MPPED1: variants seen among roughly 807,000 people sequenced by gnomAD.
The protein encoded by MPPED1 is metallophosphoesterase domain containing 1, also known as metallophosphoesterase domain-containing protein 1.
In MPPED1, 16 loss-of-function variants were observed where a neutral mutation model predicts 36.2. The ratio of observed to expected loss-of-function variants is 0.44; its 90% confidence interval spans 0.30 to 0.67. The LOEUF (loss-of-function observed/expected upper bound fraction) is 0.67. Ranked by LOEUF, MPPED1 falls within the 30% of genes least tolerant of loss-of-function variation. The pLI is 0.10. For synonymous variants in MPPED1, 199 were observed against 191.3 expected (o/e 1.04, Z -0.33); for missense variants, 307 against 453.4 (o/e 0.68, Z 2.93).
At chr22:43,472,122 C>T (rs1019967754) in intron 3 of MPPED1, among the ~76,000 whole-genome samples, 2 of 152,222 alleles carry the variant, frequency 1.3e-5, no homozygotes, top group Admixed American at 6.5e-5. Flanking sequence ...GACACAGACA[C>T]TCAGCACTTC....
At chr22:43,472,464 C>T (rs1363902346) in intron 3 of MPPED1, among the ~76,000 whole-genome samples, 6 of 152,174 alleles carry the variant, frequency 3.9e-5, no homozygotes, top group Non-Finnish European at 1.5e-5. Context: ...GAAGCTAAGT[C>T]GTACAGCGGG....
At chr22:43,458,976 G>A (rs1004162940) in intron 3 of MPPED1, among the ~76,000 whole-genome samples, 3 of 152,174 alleles carry the variant, frequency 2.0e-5, no homozygotes, top group African/African-American at 7.2e-5. Flanking sequence ...ACCTCTTTGA[G>A]TTTATCATGT....
chr22:43,492,108 C>G (rs375384209), intron 4 of MPPED1, among the ~76,000 whole-genome samples: 4 of 152,010 alleles, frequency 2.6e-5, no homozygotes, highest in South Asian at 4.2e-4. Context: ...GATGAACTTG[C>G]AATGTGTTGA....
At chr22:43,437,972 C>T (rs865831097) in intron 3 of MPPED1, among the ~76,000 whole-genome samples, 8 of 152,068 alleles carry the variant, frequency 5.3e-5, no homozygotes, top group Admixed American at 2.0e-4. Flanking sequence ...AGCTAGCAAC[C>T]GCCCTCCCAA....
intron 3 of MPPED1, among the ~76,000 whole-genome samples, chr22:43,444,282 GTGTGTGTGTGT>G (rs1930255262): frequency 1.0e-3 from 14 of 13,608 alleles, no homozygotes; most frequent in Admixed American, 2.8e-3. Flanking sequence ...CCACTGGGGT[GTGTGTGTGTGT>G]GTGTGTGTGT....
At chr22:43,432,220 G>GAGAGAGAGAA (rs71186588) in intron 2 of MPPED1, among the ~76,000 whole-genome samples, 3 of 150,896 alleles carry the variant, frequency 2.0e-5, no homozygotes, top group Non-Finnish European at 1.5e-5. Flanking sequence ...GAGAGAGAGA[G>GAGAGAGAGAA]ACACAGAGAG....
rs369426895 is a variant in MPPED1, at chr22:43,481,807, G to A, written c.632+6846G>A. Among the ~76,000 whole-genome samples, 47 of 152,252 alleles carry A rather than the reference G, an allele frequency of 3.1e-4. 3 individuals carry two copies. The South Asian group carries it at 9.5e-3, about 31-fold the overall frequency. On this transcript the variant is annotated intron_variant, in intron 4 of 6. Transcript: ENST00000443721. ...CAGATGCCCCCTCCTGTGTCCCCTG[G>A]ATCTTGGGCCCTGCCCTCCCCAGCA... is the stretch of plus-strand genomic sequence containing the variant.
At chr22:43,482,722 C>T (rs192547352) in intron 4 of MPPED1, among the ~76,000 whole-genome samples, 7 of 152,306 alleles carry the variant, frequency 4.6e-5, no homozygotes, top group Non-Finnish European at 8.8e-5. Flanking sequence ...GGCTAGGGCA[C>T]GGAAGCAATA....
At chr22:43,500,160 G>A (rs1361484976) in intron 5 of MPPED1, among the ~76,000 whole-genome samples, 1 of 105,162 alleles carries the variant, frequency 9.5e-6, no homozygotes, top group Non-Finnish European at 1.9e-5. Context: ...GGTGGTGGTG[G>A]TGATGGTGAT....
At chr22:43,450,818 C>T (rs12157454) in intron 3 of MPPED1, among the ~76,000 whole-genome samples, 6,495 of 152,172 alleles carry the variant, frequency 0.043, 484 homozygotes, top group African/African-American at 0.15. Flanking sequence ...CCTCTGCCTC[C>T]CGGGTTCAGA....
At chr22:43,433,048 G>C (rs938064923) in intron 2 of MPPED1, among the ~76,000 whole-genome samples, 1 of 152,062 alleles carries the variant, frequency 6.6e-6, no homozygotes, top group Non-Finnish European at 1.5e-5. Flanking sequence ...GCTGCCCTTG[G>C]TCTGATCAGC....
chr22:43,448,945 C>G (rs1339700639), intron 3 of MPPED1, among the ~76,000 whole-genome samples: 1 of 152,016 alleles, frequency 6.6e-6, no homozygotes, highest in Admixed American at 6.6e-5. Flanking sequence ...TATATGGGAA[C>G]TACTCTTGTG....
intron 4 of MPPED1, among the ~76,000 whole-genome samples, chr22:43,479,253 T>G (rs1197080154): frequency 6.6e-6 from 1 of 152,206 alleles, no homozygotes. Flanking sequence ...GCCCTCAACA[T>G]ATTGGCTACC....
In MPPED1 at chr22:43,415,190, A is replaced by C. The variant is rs191338232; in HGVS notation, c.-79+3032A>C. Among the ~76,000 whole-genome samples, 8 of 132,564 alleles carry C rather than the reference A, an allele frequency of 6.0e-5. No individual in the cohort carries two copies. In the Admixed American group the frequency reaches 6.8e-4, roughly 11 times the overall value. The allele number at this position is 132,564 out of a possible 152,430, so 87.0% of individuals were successfully genotyped here. ...TCCAGACTGCCACTGAAGTTGTCTG[A>C]CTTGAGTTTGAAGAGGTGACTAAAA... is the stretch of plus-strand genomic sequence containing the variant. On this transcript the variant is annotated intron_variant, in intron 1 of 6. Transcript: ENST00000443721.
chr22:43,468,670 G>A (rs1227752261), intron 3 of MPPED1, among the ~76,000 whole-genome samples: 1 of 152,152 alleles, frequency 6.6e-6, no homozygotes. Context: ...GCCTCTTGGT[G>A]GTGTCTGATT....
chr22:43,493,796 C>T (rs1427398756), intron 4 of MPPED1, among the ~76,000 whole-genome samples: 1 of 152,178 alleles, frequency 6.6e-6, no homozygotes, highest in Non-Finnish European at 1.5e-5. Context: ...AGAAGGAGAC[C>T]TGTCTGACCA....
At chr22:43,461,490 C>A (rs1930955252) in intron 3 of MPPED1, among the ~76,000 whole-genome samples, 1 of 152,144 alleles carries the variant, frequency 6.6e-6, no homozygotes, top group African/African-American at 2.4e-5. Context: ...ACAACTTTTG[C>A]CAGTGTTGTT....
chr22:43,415,881 C>T (rs535123230), intron 1 of MPPED1, among the ~76,000 whole-genome samples: 16 of 152,330 alleles, frequency 1.1e-4, no homozygotes, highest in Non-Finnish European at 1.8e-4. Flanking sequence ...TTGATGCACA[C>T]GAAGAGACTT....
At chr22:43,495,477 AGG>A (rs1932249933) in intron 4 of MPPED1, among the ~76,000 whole-genome samples, 1 of 15,366 alleles carries the variant, frequency 6.5e-5, no homozygotes, top group Admixed American at 8.9e-4. Context: ...GTGATGGTGG[AGG>A]TGGTGGTGGA....
Sources: gnomAD v4.1 joint callset for allele counts (sites outside exome capture counted in the v4.1 genomes callset) on GRCh38, gnomAD v4.1.1 for gene constraint, MANE v1.5 for transcripts, NCBI Gene and HGNC (gene_info 2026-07-23, HGNC 2026-07-21) for gene names.